The following SPTB variants were observed in gnomAD, a reference collection of about 807,000 sequenced individuals.
SPTB encodes the protein spectrin beta, erythrocytic.
Under a neutral mutation model 256.2 loss-of-function variants are expected in SPTB, and 45 were observed. The ratio of observed to expected loss-of-function variants is 0.18; its 90% confidence interval spans 0.14 to 0.23. The LOEUF is 0.23. SPTB is among the 10% of genes least tolerant of loss of function. SPTB has a pLI of 1.00. For synonymous variants in SPTB, 1,231 were observed against 1,243.1 expected (o/e 0.99, Z 0.21); for missense variants, 2,715 against 3,040.4 (o/e 0.89, Z 2.52).
rs745315895 is a variant in SPTB, at chr14:64,785,832, A to G, written c.3681T>C (p.Pro1227=). 11 of 1,614,014 alleles carry G rather than the reference A, an allele frequency of 6.8e-6. No individual in the cohort carries two copies. The East Asian group carries it at 1.3e-4, about 20-fold the overall frequency. ...CTACCAGCTTGTTTCCAGAGTCCAC[A>G]GGACTCAAGACCTTATCCCGGTTGT... ...MENNRDKVLS[P]VDSGNKLVAE... is the part of the protein sequence containing the mutation. Residue 1227 remains proline (P), a synonymous_variant, in exon 17 of 36, where the codon CCT becomes CCC. Transcript: ENST00000644917. The surrounding 1 kb of genome is among the most constrained non-coding windows in gnomAD (Gnocchi z 4.4).
chr14:64,834,793 C>G (rs1191520325), intron 1 of SPTB, among the ~76,000 whole-genome samples: 1 of 151,942 alleles, frequency 6.6e-6, no homozygotes, highest in Non-Finnish European at 1.5e-5. Context: ...TTTCCTCACC[C>G]AAAAAAATTG....
intron 1 of SPTB, among the ~76,000 whole-genome samples, chr14:64,850,198 T>C (rs1451260046): frequency 3.3e-5 from 5 of 152,222 alleles, no homozygotes; most frequent in Admixed American, 3.3e-4. Context: ...ACTGTTCATA[T>C]GCCTACTAAG....
Position 64,779,092 on chromosome 14 carries a change from C to A in SPTB, c.4563+65G>T. 2 of 1,364,996 alleles carry A rather than the reference C, an allele frequency of 1.5e-6. No homozygotes were observed. The highest frequency in any genetic ancestry group is 2.4e-5 in the East Asian group (1 of 42,194). The allele number at this position is 1,364,996 out of a possible 1,614,324, so 84.6% of individuals were successfully genotyped here. On this transcript the variant is annotated intron_variant, in intron 22 of 35. Coordinates refer to ENST00000644917, the MANE Select transcript of SPTB (RefSeq NM_001355436.2). The surrounding 1 kb of genome is among the most constrained non-coding windows in gnomAD (Gnocchi z 4.2). Reference sequence around the variant, plus strand: ...CTTCTGCAGGTCAGGGCTGGGCCTACCCCCGTGGGGCCAGGTGGGGGTGAG... The same window carrying A: ...CTTCTGCAGGTCAGGGCTGGGCCTAACCCCGTGGGGCCAGGTGGGGGTGAG...
chr14:64,764,396 C>T lies in SPTB; in HGVS notation c.6345+2330G>A, dbSNP rs2082136304. ...AGGGAGCAGCAGCAGGAAATCTGTG[C>T]GTGAGGCCTTGGGTCTGTGTTCGTT... is the stretch of plus-strand genomic sequence containing the variant. On this transcript the variant is annotated intron_variant, in intron 32 of 35. Transcript: ENST00000644917. This position sits in a 1 kb window ranked among gnomAD's most constrained non-coding sequence, Gnocchi z 4.2. Among the ~76,000 whole-genome samples, 1 of 152,214 alleles carries T rather than the reference C, an allele frequency of 6.6e-6. No homozygotes were observed. The highest frequency in any genetic ancestry group is 2.4e-5 in the African/African-American group (1 of 41,460).
chr14:64,817,351 A>G (rs2083210707), intron 2 of SPTB, among the ~76,000 whole-genome samples: 1 of 152,260 alleles, frequency 6.6e-6, no homozygotes, highest in Non-Finnish European at 1.5e-5. Context: ...TGACATTAAA[A>G]TGGTTGCTGA....
rs776261444 is a variant in SPTB at position 64,801,391 on chromosome 14, C to A, written c.657G>T (p.Leu219=). The change falls in exon 7 of 36, where the codon CTG becomes CTT. Residue 219 remains leucine (L), a synonymous_variant. Coordinates refer to ENST00000644917, the MANE Select transcript of SPTB (RefSeq NM_001355436.2). The stretch of plus-strand genomic sequence containing the variant: ...AGTCCTTCAGCTTATCAAAGTCGAT[C>A]AGGTCGGGCCTGGGGACAAAACTGG... The part of the protein sequence containing the change: ...NALIHKHRPD[L]IDFDKLKDSN... 1.3e-5 allele frequency: 21 copies of A among 1,613,994 alleles called. No individual in the cohort carries two copies. The Middle Eastern group carries it at 4.9e-4, about 38-fold the overall frequency.
In SPTB at chr14:64,758,302, A is replaced by G. The variant is rs538195078; in HGVS notation, c.6346-4509T>C. Among the ~76,000 whole-genome samples, 2 of 152,360 alleles carry G rather than the reference A, an allele frequency of 1.3e-5. No individual in the cohort carries two copies. Among genetic ancestry groups the G allele is most frequent in the African/African-American group, 4.8e-5 (2 of 41,584 alleles). ...TGGGAATCTCAGCCACTGGCAGGCA[A>G]GGCCTCAGCCCCTCCTTTCTCGGCC... On this transcript the variant is annotated intron_variant, in intron 32 of 35. Coordinates refer to ENST00000644917, the MANE Select transcript of SPTB (RefSeq NM_001355436.2). This position sits in a 1 kb window ranked among gnomAD's most constrained non-coding sequence, Gnocchi z 4.6.
chr14:64,759,835 G>A lies in SPTB; in HGVS notation c.6346-6042C>T, dbSNP rs969383502. On this transcript the variant is annotated intron_variant, in intron 32 of 35. Coordinates refer to ENST00000644917, the MANE Select transcript of SPTB (RefSeq NM_001355436.2). The surrounding 1 kb of genome is among the most constrained non-coding windows in gnomAD (Gnocchi z 4.8). Reference sequence around the variant, plus strand: ...GTCCCGCTGCTTGGAAGAAATTCTGGGTGTCCAGTTGCGGGCAGCAAGGGA... The same window carrying A: ...GTCCCGCTGCTTGGAAGAAATTCTGAGTGTCCAGTTGCGGGCAGCAAGGGA... Among the ~76,000 whole-genome samples the A allele has an allele frequency of 2.0e-5, 3 of 152,216 alleles. No homozygotes were observed. Among genetic ancestry groups the A allele is most frequent in the African/African-American group, 7.2e-5 (3 of 41,460 alleles).
chr14:64,846,239 G>C (rs1355334639), intron 1 of SPTB, among the ~76,000 whole-genome samples: 1 of 152,222 alleles, frequency 6.6e-6, no homozygotes, highest in African/African-American at 2.4e-5. Flanking sequence ...CCCAGAAGTA[G>C]AGTGGACTCA....
At chr14:64,857,079 T>G (rs2083885475) in intron 1 of SPTB, among the ~76,000 whole-genome samples, 1 of 152,204 alleles carries the variant, frequency 6.6e-6, no homozygotes, top group Non-Finnish European at 1.5e-5. Flanking sequence ...AACCCCAGAA[T>G]GCTGCGTATG....
chr14:64,793,497 C>A lies in SPTB; in HGVS notation c.2166G>T (p.Ser722=). ...PQIEARIKEV[S]AQWDQLKDLA... is the part of the protein sequence containing the mutation. ...GGTCCTTCAGCTGGTCCCACTGTGCCGACACCTCCTTTATGCGGGCCTCGA... is the reference window on the plus strand; with the variant it reads ...GGTCCTTCAGCTGGTCCCACTGTGCAGACACCTCCTTTATGCGGGCCTCGA... The change falls in exon 14 of 36, where the codon TCG becomes TCT. Residue 722 remains serine, a synonymous_variant. Transcript: ENST00000644917. The surrounding 1 kb of genome is among the most constrained non-coding windows in gnomAD (Gnocchi z 7.0). 6.2e-7 allele frequency: 1 copy of A among 1,614,116 alleles called. No homozygotes were observed. Among genetic ancestry groups the A allele is most frequent in the South Asian group, 1.1e-5 (1 of 91,082 alleles).
rs1337685626 is a variant in SPTB at position 64,796,861 on chromosome 14, T to C, written c.1183-146A>G. The stretch of plus-strand genomic sequence containing the variant: ...GGGTGACGTGGTAGCAGATTAAAGA[T>C]CAATAAAAGCCTTTGGCTTTCATGT... On this transcript the variant is annotated intron_variant, in intron 10 of 35. Coordinates refer to ENST00000644917, the MANE Select transcript of SPTB (RefSeq NM_001355436.2). This position sits in a 1 kb window ranked among gnomAD's most constrained non-coding sequence, Gnocchi z 4.1. 13 of 1,062,150 alleles carry C rather than the reference T, an allele frequency of 1.2e-5. No individual in the cohort carries two copies. The highest frequency in any genetic ancestry group is 2.2e-4 in the Middle Eastern group (1 of 4,618). The allele number at this position is 1,062,150 out of a possible 1,614,324, so 65.8% of individuals were successfully genotyped here. A position where few individuals can be genotyped will look rare whatever the true frequency, so the allele number is the denominator to read the frequency against.
At chr14:64,809,249 C>T (rs1185855543) in intron 2 of SPTB, among the ~76,000 whole-genome samples, 2 of 103,352 alleles carry the variant, frequency 1.9e-5, no homozygotes, top group South Asian at 7.4e-4. Context: ...GCAACAACAG[C>T]GAAACTTTGT....
intron 33 of SPTB, chr14:64,750,369 A>T (rs1486253394): frequency 7.5e-5 from 34 of 452,836 alleles, no homozygotes; most frequent in Non-Finnish European, 8.7e-5. Flanking sequence ...ACATTTTCGC[A>T]TTTTTTTTTT....
rs968161895 is a variant in SPTB at position 64,873,894 on chromosome 14, C to T, written c.-52+5898G>A. On this transcript the variant is annotated intron_variant, in intron 1 of 35. Coordinates refer to ENST00000644917, the MANE Select transcript of SPTB (RefSeq NM_001355436.2). This position sits in a 1 kb window ranked among gnomAD's most constrained non-coding sequence, Gnocchi z 4.3. The stretch of plus-strand genomic sequence containing the variant: ...TAATCAGATCTTCCCTTCACATGCT[C>T]ATCATAAGATAAAATAAGATGATGT... Among the ~76,000 whole-genome samples, 3 of 152,162 alleles carry T rather than the reference C, an allele frequency of 2.0e-5. No homozygotes were observed. Among genetic ancestry groups the T allele is most frequent in the Non-Finnish European group, 4.4e-5 (3 of 68,028 alleles).
intron 2 of SPTB, among the ~76,000 whole-genome samples, chr14:64,820,212 T>A (rs2083263858): frequency 6.6e-6 from 1 of 152,152 alleles, no homozygotes; most frequent in African/African-American, 2.4e-5. Context: ...TTCTCCCTAA[T>A]GTTTCTTTTG....
intron 1 of SPTB, among the ~76,000 whole-genome samples, chr14:64,857,463 T>G (rs1226470830): frequency 1.3e-5 from 2 of 150,622 alleles, no homozygotes; most frequent in East Asian, 3.9e-4. Flanking sequence ...GCATGTATAG[T>G]CCCAGCTACT....
In SPTB at chr14:64,824,983, G is replaced by C. The variant is rs1336006498; in HGVS notation, c.-51-1838C>G. On this transcript the variant is annotated intron_variant, in intron 1 of 35. Coordinates refer to ENST00000644917, the MANE Select transcript of SPTB (RefSeq NM_001355436.2). The surrounding 1 kb of genome is among the most constrained non-coding windows in gnomAD (Gnocchi z 5.7). ...GAGGCCTCCCCAGGGTCATCCGGTG[G>C]AATGACTGCGGCTGGGACCAAAGGC... is the stretch of plus-strand genomic sequence containing the variant. Among the ~76,000 whole-genome samples, 4 of 152,180 alleles carry C rather than the reference G, an allele frequency of 2.6e-5. No homozygotes were observed. Among genetic ancestry groups the C allele is most frequent in the African/African-American group, 9.7e-5 (4 of 41,436 alleles).
intron 1 of SPTB, among the ~76,000 whole-genome samples, chr14:64,838,524 A>AAAAACTC (rs1429342155): frequency 6.6e-6 from 1 of 152,192 alleles, no homozygotes; most frequent in African/African-American, 2.4e-5. Context: ...AGAATATATA[A>AAAAACTC]AAAACTCAAA....
Sources: gnomAD v4.1 joint callset for allele counts (sites outside exome capture counted in the v4.1 genomes callset) on GRCh38, gnomAD v4.1.1 for gene constraint, Gnocchi (gnomAD v3.1) non-coding constraint, MANE v1.5 for transcripts, NCBI Gene and HGNC (gene_info 2026-07-23, HGNC 2026-07-21) for gene names.